ARSB: variants seen among roughly 807,000 people sequenced by gnomAD.
The protein encoded by ARSB is arylsulfatase B.
A neutral mutation model predicts 50.9 loss-of-function variants in ARSB; 41 were observed. The observed-to-expected ratio is 0.81, with a 90% confidence interval of 0.63 to 1.04. The LOEUF (loss-of-function observed/expected upper bound fraction) is 1.04, where lower values mean the gene tolerates loss of function less well. Ranked by LOEUF, ARSB falls within the 50% of genes least tolerant of loss-of-function variation. ARSB has a pLI of 0.00. For synonymous variants in ARSB, 269 were observed against 284.8 expected (o/e 0.94, Z 0.56); for missense variants, 672 against 693.3 (o/e 0.97, Z 0.35).
chr5:78,931,212 T>C (rs1750312116), intron 4 of ARSB, among the ~76,000 whole-genome samples: 1 of 152,254 alleles, frequency 6.6e-6, no homozygotes. Context: ...TTAGTCTGTT[T>C]TGGTTCTTTA....
Position 78,885,764 on chromosome 5 carries a change from A to C in ARSB, c.962T>G (p.Leu321Arg), listed in dbSNP as rs1554079320. 1 of 1,614,056 alleles carries C rather than the reference A, an allele frequency of 6.2e-7. No individual in the cohort carries two copies. The highest frequency in any genetic ancestry group is 1.3e-5 in the African/African-American group (1 of 75,002). The change falls in exon 5 of 8, where the codon CTG becomes CGG. Residue 321 changes from leucine to arginine, a missense_variant. Coordinates refer to ENST00000264914, the MANE Select transcript of ARSB (RefSeq NM_000046.5). ...CACCCCTCGGACGCCTCCTTCCCAC[A>C]GGCTCCATTTTCTTCCTCGAAGGGG... Reference protein sequence around the residue: ...NWPLRGRKWSLWEGGVRGVGF... With the variant: ...NWPLRGRKWSRWEGGVRGVGF...
chr5:78,818,727 C>T (rs1297758370), intron 6 of ARSB, among the ~76,000 whole-genome samples: 1 of 148,372 alleles, frequency 6.7e-6, no homozygotes, highest in Non-Finnish European at 1.5e-5. Context: ...ATGCCATTCT[C>T]CTGCCTCAGC....
intron 4 of ARSB, among the ~76,000 whole-genome samples, chr5:78,950,802 C>G (rs1447034611): frequency 6.6e-6 from 1 of 152,220 alleles, no homozygotes; most frequent in Non-Finnish European, 1.5e-5. Context: ...GACGGCCACA[C>G]ATTCTGTGTG....
Position 78,841,165 on chromosome 5 carries a change from C to CTAATAATAATAATAATAATAA in ARSB, c.1143-1740_1143-1739insTTATTATTATTATTATTATTA, listed in dbSNP as rs760097028. Reference sequence around the variant, plus strand: ...ACTACTACTACTACTACTACTACTACTACTAATAATAATAATAATTTGAGC... The same window carrying CTAATAATAATAATAATAATAA: ...ACTACTACTACTACTACTACTACTACTAATAATAATAATAATAATAATACTAATAATAATAATAATTTGAGC... On this transcript the variant is annotated intron_variant, in intron 5 of 7. Transcript: ENST00000264914. Among the ~76,000 whole-genome samples, 640 of 98,186 alleles carry CTAATAATAATAATAATAATAA rather than the reference C, an allele frequency of 6.5e-3. 4 individuals carry two copies. The highest frequency in any genetic ancestry group is 0.041 in the Middle Eastern group (7 of 170). The allele number at this position is 98,186 out of a possible 152,430, so 64.4% of individuals were successfully genotyped here. A position where few individuals can be genotyped will look rare whatever the true frequency, so the allele number is the denominator to read the frequency against.
At chr5:78,799,353 T>C (rs1743289535) in intron 6 of ARSB, among the ~76,000 whole-genome samples, 1 of 152,194 alleles carries the variant, frequency 6.6e-6, no homozygotes, top group Non-Finnish European at 1.5e-5. Context: ...CAACCCATGT[T>C]AACTTTCACA....
At chr5:78,882,712 G>A (rs1480973473) in intron 5 of ARSB, among the ~76,000 whole-genome samples, 1 of 143,432 alleles carries the variant, frequency 7.0e-6, no homozygotes, top group Non-Finnish European at 1.5e-5. Flanking sequence ...ATGCTGAAAA[G>A]AAAAATTCTA....
chr5:78,857,000 C>G (rs1746184160), intron 5 of ARSB, among the ~76,000 whole-genome samples: 1 of 152,092 alleles, frequency 6.6e-6, no homozygotes, highest in African/African-American at 2.4e-5. Context: ...GATAAAAGTA[C>G]CTATCTTACA....
At chr5:78,949,873 G>A (rs556815899) in intron 4 of ARSB, among the ~76,000 whole-genome samples, 1 of 152,070 alleles carries the variant, frequency 6.6e-6, no homozygotes, top group African/African-American at 2.4e-5. Flanking sequence ...TCATGCTACT[G>A]TACTCCAGCC....
chr5:78,805,477 TG>T, intron 6 of ARSB, among the ~76,000 whole-genome samples: 1 of 152,232 alleles, frequency 6.6e-6, no homozygotes, highest in East Asian at 1.9e-4. Context: ...TACTTCTAAT[TG>T]TTTTTCCTTC....
chr5:78,780,979 A>T (rs1194980654), intron 7 of ARSB, among the ~76,000 whole-genome samples: 2 of 152,216 alleles, frequency 1.3e-5, no homozygotes, highest in East Asian at 3.8e-4. Flanking sequence ...CTTGCAATAC[A>T]TGGGACAATC....
chr5:78,819,653 G>T (rs1744132833), intron 6 of ARSB, among the ~76,000 whole-genome samples: 1 of 152,226 alleles, frequency 6.6e-6, no homozygotes, highest in Non-Finnish European at 1.5e-5. Flanking sequence ...AGACTGGAGG[G>T]TCTCCAGGGC....
At chr5:78,977,874 T>C (rs1217962450) in intron 1 of ARSB, among the ~76,000 whole-genome samples, 2 of 152,154 alleles carry the variant, frequency 1.3e-5, no homozygotes, top group Non-Finnish European at 2.9e-5. Context: ...AAATGATCAA[T>C]GTACATATAT....
At chr5:78,793,039 G>T (rs1403325001) in intron 6 of ARSB, among the ~76,000 whole-genome samples, 1 of 152,178 alleles carries the variant, frequency 6.6e-6, no homozygotes, top group Non-Finnish European at 1.5e-5. Flanking sequence ...CTGCCTTGGG[G>T]TCACTGGAGC....
chr5:78,946,302 A>T (rs1580108502), intron 4 of ARSB, among the ~76,000 whole-genome samples: 3 of 152,352 alleles, frequency 2.0e-5, no homozygotes, highest in Admixed American at 2.0e-4. Flanking sequence ...AAGAAGTCAA[A>T]TTATCCTTGT....
chr5:78,876,082 C>G (rs1053073248), intron 5 of ARSB, among the ~76,000 whole-genome samples: 4 of 152,014 alleles, frequency 2.6e-5, no homozygotes, highest in Non-Finnish European at 5.9e-5. Flanking sequence ...TATTAATCAA[C>G]TAATCAAAAG....
intron 5 of ARSB, among the ~76,000 whole-genome samples, chr5:78,881,928 C>T (rs947831345): frequency 6.6e-6 from 1 of 152,192 alleles, no homozygotes; most frequent in East Asian, 1.9e-4. Context: ...TAGAGGAAAT[C>T]GTTCATTTTT....
chr5:78,852,207 C>T (rs1279359214), intron 5 of ARSB, among the ~76,000 whole-genome samples: 1 of 152,166 alleles, frequency 6.6e-6, no homozygotes, highest in Non-Finnish European at 1.5e-5. Flanking sequence ...ACCGATTGTT[C>T]CTTTCCATGT....
At chr5:78,826,284 A>T (rs1399062704) in intron 6 of ARSB, among the ~76,000 whole-genome samples, 1 of 152,054 alleles carries the variant, frequency 6.6e-6, no homozygotes. Flanking sequence ...TGACCTTGTG[A>T]TCTGCTCGCC....
chr5:78,830,813 G>C (rs1031911614), intron 6 of ARSB, among the ~76,000 whole-genome samples: 3 of 152,178 alleles, frequency 2.0e-5, no homozygotes, highest in Non-Finnish European at 2.9e-5. Flanking sequence ...CCCACACCAA[G>C]GAAAATTTGA....
Sources: gnomAD v4.1 joint callset for allele counts (sites outside exome capture counted in the v4.1 genomes callset) on GRCh38, gnomAD v4.1.1 for gene constraint, MANE v1.5 for transcripts, NCBI Gene and HGNC (gene_info 2026-07-23, HGNC 2026-07-21) for gene names.